Variants in SCFD2 observed in about 807,000 individuals in gnomAD.
SCFD2 encodes the protein sec1 family domain containing 2.
A neutral mutation model predicts 58.9 loss-of-function variants in SCFD2; 54 were observed. That is an observed-to-expected ratio of 0.92 (90% CI 0.74 to 1.15). The LOEUF (loss-of-function observed/expected upper bound fraction) is 1.15, where lower values mean the gene tolerates loss of function less well. Among genes scored for constraint, SCFD2 ranks in the 50% most tolerant of loss-of-function variants. The pLI is 0.00. For synonymous variants in SCFD2, 321 were observed against 335.9 expected (o/e 0.96, Z 0.49); for missense variants, 805 against 836.6 (o/e 0.96, Z 0.47).
At chr4:53,306,550 C>T (rs1417532087) in intron 3 of SCFD2, among the ~76,000 whole-genome samples, 1 of 151,994 alleles carries the variant, frequency 6.6e-6, no homozygotes, top group African/African-American at 2.4e-5. Flanking sequence ...AATAGAAATA[C>T]TCATTGTCTC....
intron 6 of SCFD2, among the ~76,000 whole-genome samples, chr4:52,918,311 C>T (rs916631311): frequency 1.3e-5 from 2 of 152,186 alleles, no homozygotes; most frequent in African/African-American, 4.8e-5. Context: ...CCAAATAAAT[C>T]TCCTGATCTG....
At chr4:52,962,512 G>GA (rs1333166932) in intron 5 of SCFD2, among the ~76,000 whole-genome samples, 1 of 152,184 alleles carries the variant, frequency 6.6e-6, no homozygotes. Context: ...TCTCCTGAAG[G>GA]TAGCACATTT....
chr4:53,188,102 A>C (rs1727787512), intron 4 of SCFD2, among the ~76,000 whole-genome samples: 1 of 152,146 alleles, frequency 6.6e-6, no homozygotes, highest in African/African-American at 2.4e-5. Flanking sequence ...TCCTATGCTT[A>C]ATGGTTAAAT....
At chr4:53,069,029 C>T (rs1723741303) in intron 5 of SCFD2, among the ~76,000 whole-genome samples, 1 of 151,980 alleles carries the variant, frequency 6.6e-6, no homozygotes, top group South Asian at 2.1e-4. Context: ...GTGGTATTCT[C>T]CCAGGGTAAA....
intron 4 of SCFD2, among the ~76,000 whole-genome samples, chr4:53,159,116 C>A (rs1489251943): frequency 6.6e-6 from 1 of 152,064 alleles, no homozygotes; most frequent in Non-Finnish European, 1.5e-5. Flanking sequence ...GACCTAGCTC[C>A]GCCCTTTGAA....
intron 4 of SCFD2, among the ~76,000 whole-genome samples, chr4:53,238,653 C>T (rs866531439): frequency 8.0e-5 from 12 of 150,318 alleles, no homozygotes; most frequent in South Asian, 6.3e-4. Flanking sequence ...ACGGGGTGGC[C>T]GGGCAGAGAT....
At chr4:53,209,786 A>G (rs578037210) in intron 4 of SCFD2, among the ~76,000 whole-genome samples, 49 of 152,138 alleles carry the variant, frequency 3.2e-4, no homozygotes, top group Non-Finnish European at 6.0e-4. Flanking sequence ...AAAAAAATAC[A>G]AAATTGGAAA....
At chr4:53,198,997 C>T (rs1728145595) in intron 4 of SCFD2, among the ~76,000 whole-genome samples, 1 of 152,058 alleles carries the variant, frequency 6.6e-6, no homozygotes, top group South Asian at 2.1e-4. Flanking sequence ...TTTCCTGAAA[C>T]ATCTGTTTGA....
At chr4:53,261,690 T>G (rs1730833322) in intron 4 of SCFD2, among the ~76,000 whole-genome samples, 2 of 152,226 alleles carry the variant, frequency 1.3e-5, no homozygotes, top group Admixed American at 6.5e-5. Flanking sequence ...ATAGAACGCA[T>G]ATTCTGCAGT....
intron 3 of SCFD2, among the ~76,000 whole-genome samples, chr4:53,274,815 T>C (rs79926944): frequency 0.016 from 2,386 of 152,296 alleles, 25 homozygotes; most frequent in Middle Eastern, 0.068. Flanking sequence ...CTCCATGCTA[T>C]GCGCAAAGCT....
At chr4:52,900,924 G>T (rs1719179998) in intron 7 of SCFD2, among the ~76,000 whole-genome samples, 1 of 152,206 alleles carries the variant, frequency 6.6e-6, no homozygotes, top group Admixed American at 6.5e-5. Flanking sequence ...GGCTCCGCGG[G>T]CGCAGGACCC....
At chr4:52,973,969 A>G (rs900520578) in intron 5 of SCFD2, among the ~76,000 whole-genome samples, 11 of 152,132 alleles carry the variant, frequency 7.2e-5, no homozygotes, top group African/African-American at 2.2e-4. Flanking sequence ...AAATTCAACA[A>G]CCCTTCATGC....
At chr4:52,962,454 A>G (rs1191023738) in intron 5 of SCFD2, among the ~76,000 whole-genome samples, 1 of 152,110 alleles carries the variant, frequency 6.6e-6, no homozygotes, top group Non-Finnish European at 1.5e-5. Context: ...CCCTTTATTG[A>G]GTTGAAATAG....
chr4:53,356,671 C>T (rs1734408391), intron 1 of SCFD2, among the ~76,000 whole-genome samples: 1 of 151,832 alleles, frequency 6.6e-6, no homozygotes, highest in Admixed American at 6.6e-5. Context: ...AGTGATCCAC[C>T]ACTTTGGCCT....
intron 4 of SCFD2, among the ~76,000 whole-genome samples, chr4:53,255,788 G>A (rs1338914774): frequency 6.6e-6 from 1 of 151,414 alleles, no homozygotes; most frequent in Non-Finnish European, 1.5e-5. Flanking sequence ...AGTAGGGGCG[G>A]CCGGGCAGAG....
intron 5 of SCFD2, among the ~76,000 whole-genome samples, chr4:52,974,533 T>C (rs1301137158): frequency 2.0e-5 from 3 of 152,052 alleles, no homozygotes; most frequent in Non-Finnish European, 4.4e-5. Flanking sequence ...TACAAACAAA[T>C]GGAAGAACAG....
At chr4:52,923,870 G>A (rs1419180818) in intron 5 of SCFD2, among the ~76,000 whole-genome samples, 1 of 152,124 alleles carries the variant, frequency 6.6e-6, no homozygotes, top group Non-Finnish European at 1.5e-5. Context: ...AAGAAACCCT[G>A]GGAGGTTATG....
At chr4:53,137,348 C>T (rs79108826) in intron 5 of SCFD2, among the ~76,000 whole-genome samples, 2,126 of 152,344 alleles carry the variant, frequency 0.014, 21 homozygotes, top group Non-Finnish European at 0.023. Flanking sequence ...AAGCATCCAG[C>T]GCATGACCAT....
At chr4:52,896,006 GTTGT>G (rs548924474) in intron 7 of SCFD2, among the ~76,000 whole-genome samples, 105 of 152,284 alleles carry the variant, frequency 6.9e-4, no homozygotes, top group African/African-American at 2.3e-3. Context: ...TTTTGATGGG[GTTGT>G]TTGTTTTTTT....
Sources: allele counts gnomAD v4.1 joint callset (sites outside exome capture counted in the v4.1 genomes callset), GRCh38; gene constraint gnomAD v4.1.1; transcripts MANE v1.5; gene names NCBI Gene and HGNC (gene_info 2026-07-23, HGNC 2026-07-21).